The following NRXN3 variants were observed in gnomAD, a reference collection of about 807,000 sequenced individuals.
NRXN3 encodes the protein neurexin 3, also known as neurexin III.
In NRXN3, 32 loss-of-function variants were observed where a neutral mutation model predicts 137.6. The ratio of observed to expected loss-of-function variants is 0.23; its 90% CI spans 0.18 to 0.31. The LOEUF (loss-of-function observed/expected upper bound fraction) is 0.31, where lower values mean the gene tolerates loss of function less well. Ranked by LOEUF, NRXN3 falls within the 10% of genes least tolerant of loss-of-function variation. The pLI, the probability that NRXN3 is intolerant of heterozygous loss-of-function variation, is 1.00. For missense variants in NRXN3, 1,574 were observed against 2,062.5 expected (o/e 0.76, Z 4.59); for synonymous variants, 798 against 784.5 (o/e 1.02, Z -0.29).
At chr14:78,482,156 A>G (rs1015424302) in intron 4 of NRXN3, among the ~76,000 whole-genome samples, 1 of 152,206 alleles carries the variant, frequency 6.6e-6, no homozygotes, top group Admixed American at 6.6e-5. Flanking sequence ...GCTGACTACT[A>G]TATCTTTTCT....
At chr14:78,778,800 C>G (rs2098757363) in intron 8 of NRXN3, among the ~76,000 whole-genome samples, 2 of 114,930 alleles carry the variant, frequency 1.7e-5, no homozygotes, top group Non-Finnish European at 3.6e-5. Flanking sequence ...TTCTTTCTTT[C>G]TTTCTTTCTT....
rs748947804 is a variant in NRXN3 at position 78,753,214 on chromosome 14, G to T, written c.2044+38075G>T. ...ATGGGTTCTCATTTCCCTTCAACAA[G>T]GAAGTTCCATGTCTCAAGCACTCTT... On this transcript the variant is annotated intron_variant, in intron 8 of 20. Coordinates refer to ENST00000335750, the MANE Select transcript of NRXN3 (RefSeq NM_001330195.2). 5.9e-4 allele frequency among the ~76,000 whole-genome samples: 89 copies of T among 152,110 alleles called. 1 individual carries two copies. The highest frequency in any genetic ancestry group is 7.3e-4 in the Non-Finnish European group (50 of 68,034).
At chr14:78,916,141 C>T (rs190142956) in intron 10 of NRXN3, among the ~76,000 whole-genome samples, 15 of 151,992 alleles carry the variant, frequency 9.9e-5, no homozygotes, top group African/African-American at 2.7e-4. Flanking sequence ...TACTTACTGT[C>T]GAAACTGGGA....
chr14:79,178,901 T>A (rs11847729), intron 15 of NRXN3, among the ~76,000 whole-genome samples: 5,150 of 152,248 alleles, frequency 0.034, 244 homozygotes, highest in African/African-American at 0.11. Context: ...AGGTCCAAAT[T>A]GCTTCAGTGA....
chr14:79,772,846 C>A (rs1603481386), intron 19 of NRXN3, among the ~76,000 whole-genome samples: 1 of 152,230 alleles, frequency 6.6e-6, no homozygotes, highest in African/African-American at 2.4e-5. Flanking sequence ...AGGCAACCTA[C>A]AAAATGGGAG....
chr14:79,008,214 A>T (rs373919430), intron 15 of NRXN3, among the ~76,000 whole-genome samples: 1 of 152,174 alleles, frequency 6.6e-6, no homozygotes, highest in Non-Finnish European at 1.5e-5. Context: ...TCAATTTAGG[A>T]CAAAAAGCAG....
At chr14:79,527,819 C>T (rs1263391618) in intron 16 of NRXN3, among the ~76,000 whole-genome samples, 2 of 147,342 alleles carry the variant, frequency 1.4e-5, no homozygotes, top group South Asian at 2.1e-4. Context: ...TGCAGTGAGC[C>T]GAGTTTGTGC....
intron 4 of NRXN3, among the ~76,000 whole-genome samples, chr14:78,524,684 T>C (rs2096349555): frequency 6.6e-6 from 1 of 152,208 alleles, no homozygotes; most frequent in South Asian, 2.1e-4. Flanking sequence ...ATGAGCCAGA[T>C]ACGAATCTAA....
At chr14:78,816,367 C>T (rs1398055561) in intron 10 of NRXN3, among the ~76,000 whole-genome samples, 3 of 151,974 alleles carry the variant, frequency 2.0e-5, no homozygotes, top group Non-Finnish European at 2.9e-5. Context: ...ATTATATCCA[C>T]GTTCTTCTCC....
intron 19 of NRXN3, among the ~76,000 whole-genome samples, chr14:79,800,575 T>C (rs1432983463): frequency 6.6e-6 from 1 of 152,216 alleles, no homozygotes; most frequent in Non-Finnish European, 1.5e-5. Flanking sequence ...TACCACATTT[T>C]ATTAAAAGGC....
At chr14:78,984,773 C>T (rs1024740765) in intron 14 of NRXN3, among the ~76,000 whole-genome samples, 1 of 152,112 alleles carries the variant, frequency 6.6e-6, no homozygotes, top group Non-Finnish European at 1.5e-5. Context: ...TTAGGAGCAA[C>T]ACTCTGGGAA....
At chr14:78,411,756 T>A (rs925484819) in intron 4 of NRXN3, among the ~76,000 whole-genome samples, 1 of 152,154 alleles carries the variant, frequency 6.6e-6, no homozygotes, top group African/African-American at 2.4e-5. Context: ...CCTCCCCCTA[T>A]CCAAGCATGG....
chr14:79,135,759 G>C (rs533184221), intron 15 of NRXN3, among the ~76,000 whole-genome samples: 3 of 152,264 alleles, frequency 2.0e-5, no homozygotes, highest in African/African-American at 7.2e-5. Flanking sequence ...TAATTATTGG[G>C]CAGGCACTCT....
rs764275372 is a variant in NRXN3 at position 79,495,071 on chromosome 14, T to C, written c.3444+27669T>C. Among the ~76,000 whole-genome samples the C allele has an allele frequency of 4.3e-4, 66 of 152,174 alleles. 1 individual carries two copies. The highest frequency in any genetic ancestry group is 8.1e-4 in the Non-Finnish European group (55 of 68,042). On this transcript the variant is annotated intron_variant, in intron 16 of 20. Coordinates refer to ENST00000335750, the MANE Select transcript of NRXN3 (RefSeq NM_001330195.2). ...TTGGCTACTAACTCTAATTTATGCATTGGATATTTTACTACTTTGGGCTCA... is the reference window on the plus strand; with the variant it reads ...TTGGCTACTAACTCTAATTTATGCACTGGATATTTTACTACTTTGGGCTCA...
intron 4 of NRXN3, among the ~76,000 whole-genome samples, chr14:78,392,640 T>G (rs1345747461): frequency 6.6e-6 from 1 of 152,142 alleles, no homozygotes; most frequent in Non-Finnish European, 1.5e-5. Flanking sequence ...GTGGATTTAG[T>G]GAGATGATAT....
At chr14:78,601,619 A>AT (rs1201156460) in intron 4 of NRXN3, among the ~76,000 whole-genome samples, 4 of 151,932 alleles carry the variant, frequency 2.6e-5, no homozygotes, top group South Asian at 2.1e-4. Flanking sequence ...CGCCCGGCTA[A>AT]TTTTTTGTAT....
At chr14:79,305,767 C>G (rs978762473) in intron 15 of NRXN3, among the ~76,000 whole-genome samples, 1 of 152,036 alleles carries the variant, frequency 6.6e-6, no homozygotes, top group East Asian at 1.9e-4. Flanking sequence ...CCTTATAATT[C>G]CATCCCAGTG....
chr14:78,219,922 G>A (rs1050633754), intron 1 of NRXN3, among the ~76,000 whole-genome samples: 6 of 152,128 alleles, frequency 3.9e-5, no homozygotes, highest in African/African-American at 4.8e-5. Context: ...TGAGGTGGAT[G>A]GGGATGGAGG....
chr14:79,045,225 CCA>C (rs1172502845), intron 15 of NRXN3, among the ~76,000 whole-genome samples: 1 of 152,022 alleles, frequency 6.6e-6, no homozygotes, highest in Non-Finnish European at 1.5e-5. Context: ...CTGGCGCTAC[CCA>C]CACCCCTCCT....
Sources: allele counts gnomAD v4.1 joint callset (sites outside exome capture counted in the v4.1 genomes callset), GRCh38; gene constraint gnomAD v4.1.1; transcripts MANE v1.5; gene names NCBI Gene and HGNC (gene_info 2026-07-23, HGNC 2026-07-21).